The following PBX3 variants were observed in gnomAD, a reference collection of about 807,000 sequenced individuals.
PBX3 encodes PBX homeobox 3.
In PBX3, 14 loss-of-function variants were observed where a neutral mutation model predicts 48.5. That is an observed-to-expected ratio of 0.29 (90% CI 0.19 to 0.45). The LOEUF (loss-of-function observed/expected upper bound fraction) is 0.45, where lower values mean the gene tolerates loss of function less well. PBX3 is among the 20% of genes least tolerant of loss of function. The pLI, the probability that PBX3 is intolerant of heterozygous loss-of-function variation, is 1.00. For missense variants in PBX3, 386 were observed against 546.7 expected (o/e 0.71, Z 2.93); for synonymous variants, 210 against 200.3 (o/e 1.05, Z -0.41).
At chr9:125,965,727 T>G (rs776195371) in intron 8 of PBX3, 104 bp from the exon 9 acceptor site, 11 of 818,464 alleles carry the variant, frequency 1.3e-5, no homozygotes, top group Non-Finnish European at 2.1e-5. Context: ...AAAATACATT[T>G]TGCTAATGCA....
chr9:125,770,687 A>G (rs1323898258), intron 2 of PBX3, among the ~76,000 whole-genome samples: 1 of 152,200 alleles, frequency 6.6e-6, no homozygotes, highest in South Asian at 2.1e-4. Context: ...GTTTGTGTTC[A>G]GGCAAATCAG....
At chr9:125,879,077 CTT>C (rs36094728) in intron 2 of PBX3, among the ~76,000 whole-genome samples, 17 of 124,598 alleles carry the variant, frequency 1.4e-4, no homozygotes, top group Admixed American at 5.3e-4. Flanking sequence ...ACATGCTATT[CTT>C]TTTTTTTTTT....
chr9:125,748,694 C>A, intron 2 of PBX3, 71 bp downstream of exon 2: 1 of 1,142,798 alleles, frequency 8.8e-7, no homozygotes, highest in Non-Finnish European at 1.3e-6. Flanking sequence ...CTTCGACTCT[C>A]CAGTTGAGAG....
chr9:125,760,132 A>G (rs1271865816), intron 2 of PBX3, among the ~76,000 whole-genome samples: 1 of 152,224 alleles, frequency 6.6e-6, no homozygotes, highest in Non-Finnish European at 1.5e-5. Flanking sequence ...CGTTGGGATC[A>G]TTAAAACGAG....
intron 2 of PBX3, among the ~76,000 whole-genome samples, chr9:125,860,078 A>G (rs1839824826): frequency 6.6e-6 from 1 of 152,318 alleles, no homozygotes; most frequent in South Asian, 2.1e-4. Flanking sequence ...TGGCATTAAA[A>G]CAGCAGTTTA....
chr9:125,923,314 T>A (rs928393319), intron 3 of PBX3, among the ~76,000 whole-genome samples: 2 of 152,208 alleles, frequency 1.3e-5, no homozygotes, highest in Non-Finnish European at 2.9e-5. Context: ...GAATTATTTG[T>A]TAAGATATAT....
chr9:125,834,054 G>C (rs990452461), intron 2 of PBX3, among the ~76,000 whole-genome samples: 1 of 152,170 alleles, frequency 6.6e-6, no homozygotes, highest in Non-Finnish European at 1.5e-5. Flanking sequence ...GATTTTTCTA[G>C]ATGTTGGGAA....
chr9:125,783,932 C>T (rs960629787), intron 2 of PBX3, among the ~76,000 whole-genome samples: 5 of 151,974 alleles, frequency 3.3e-5, no homozygotes, highest in Admixed American at 6.5e-5. Context: ...ACCCAGGAGG[C>T]AGAGGTTGCA....
chr9:125,931,927 A>G (rs954259724), intron 4 of PBX3, among the ~76,000 whole-genome samples: 1 of 152,208 alleles, frequency 6.6e-6, no homozygotes, highest in African/African-American at 2.4e-5. Flanking sequence ...CTTTAGGATT[A>G]TTTCCTAAGG....
intron 3 of PBX3, among the ~76,000 whole-genome samples, chr9:125,928,552 A>G (rs1444670944): frequency 6.6e-6 from 1 of 151,064 alleles, no homozygotes; most frequent in East Asian, 2.0e-4. Context: ...TGCAAGCTCC[A>G]TCGCCTGGGT....
chr9:125,818,417 C>CTCTG (rs1838536407), intron 2 of PBX3, among the ~76,000 whole-genome samples: 2 of 151,954 alleles, frequency 1.3e-5, no homozygotes, highest in African/African-American at 4.8e-5. Flanking sequence ...TCACTACAGC[C>CTCTG]TCTGCCTCCT....
chr9:125,853,938 G>GA, intron 2 of PBX3, among the ~76,000 whole-genome samples: 1 of 152,052 alleles, frequency 6.6e-6, no homozygotes, highest in Non-Finnish European at 1.5e-5. Context: ...ACACTGACAT[G>GA]AAAAATATGC....
At chr9:125,916,376 G>T (rs1171605587) in intron 3 of PBX3, among the ~76,000 whole-genome samples, 1 of 152,152 alleles carries the variant, frequency 6.6e-6, no homozygotes, top group Non-Finnish European at 1.5e-5. Context: ...CTTATGGATT[G>T]TGCCAGACTA....
intron 2 of PBX3, among the ~76,000 whole-genome samples, chr9:125,855,941 A>G (rs983162283): frequency 1.3e-5 from 2 of 152,138 alleles, no homozygotes; most frequent in African/African-American, 4.8e-5. Flanking sequence ...TTTGCACTCT[A>G]TCTTTGGAGG....
At chr9:125,802,359 A>ATTTTTTTTTTTT (rs57805307) in intron 2 of PBX3, among the ~76,000 whole-genome samples, 1 of 67,720 alleles carries the variant, frequency 1.5e-5, no homozygotes, top group Admixed American at 2.3e-4. Flanking sequence ...ACATTAGTGC[A>ATTTTTTTTTTTT]TTTTTTTTTT....
intron 2 of PBX3, among the ~76,000 whole-genome samples, chr9:125,781,322 A>G (rs1318751163): frequency 6.6e-6 from 1 of 151,870 alleles, no homozygotes; most frequent in Non-Finnish European, 1.5e-5. Context: ...GCTGGAGACC[A>G]GCCCGGCCAA....
intron 2 of PBX3, among the ~76,000 whole-genome samples, chr9:125,767,911 G>C (rs2131992692): frequency 6.6e-6 from 1 of 152,196 alleles, no homozygotes; most frequent in Middle Eastern, 3.4e-3. Context: ...TGAAAGGCAG[G>C]AGCAGGCTAG....
intron 2 of PBX3, among the ~76,000 whole-genome samples, chr9:125,851,870 CTT>C (rs1164910184): frequency 3.4e-4 from 41 of 121,432 alleles, no homozygotes; most frequent in Non-Finnish European, 4.6e-4. Context: ...ATTTTTGCTG[CTT>C]TTTTTTTTTT....
chr9:125,924,767 A>G (rs1279033426), intron 3 of PBX3, among the ~76,000 whole-genome samples: 2 of 152,224 alleles, frequency 1.3e-5, no homozygotes, highest in Admixed American at 6.5e-5. Context: ...TAAGCTTACA[A>G]TGGTGGATGC....
Sources: gnomAD v4.1 joint callset for allele counts (sites outside exome capture counted in the v4.1 genomes callset) on GRCh38, gnomAD v4.1.1 for gene constraint, MANE v1.5 for transcripts, NCBI Gene and HGNC (gene_info 2026-07-23, HGNC 2026-07-21) for gene names.